The following SHISA6 variants were observed in gnomAD, a reference collection of about 807,000 sequenced individuals.
The protein encoded by SHISA6 is shisa family member 6.
In SHISA6, 22 loss-of-function variants were observed where a neutral mutation model predicts 47.9. That is an observed-to-expected ratio of 0.46 (90% CI 0.33 to 0.66). The LOEUF (loss-of-function observed/expected upper bound fraction) is 0.66. SHISA6 is among the 30% of genes least tolerant of loss of function. The pLI is 0.02. For missense variants in SHISA6, 680 were observed against 764.6 expected, an observed-to-expected ratio of 0.89 and a Z score of 1.30; for synonymous variants, 388 against 337.8, an observed-to-expected ratio of 1.15 and a Z score of -1.63.
At chr17:11,392,934 A>AG (rs1368059851) in intron 3 of SHISA6, among the ~76,000 whole-genome samples, 1 of 152,186 alleles carries the variant, frequency 6.6e-6, no homozygotes, top group Non-Finnish European at 1.5e-5. Flanking sequence ...ATCAGGTGGG[A>AG]GGTGGGGTAC....
chr17:11,505,700 T>C (rs1366113882), intron 3 of SHISA6, among the ~76,000 whole-genome samples: 3 of 152,224 alleles, frequency 2.0e-5, no homozygotes, highest in African/African-American at 7.2e-5. Flanking sequence ...CTCACTTTTA[T>C]AAAATTAAGT....
intron 3 of SHISA6, 140 bp downstream of exon 3, chr17:11,379,649 C>T (rs1223664434): frequency 1.8e-6 from 1 of 568,990 alleles, no homozygotes; most frequent in Non-Finnish European, 3.0e-6. Context: ...GTCCTGGTGA[C>T]ATGCGTGGCT....
At chr17:11,511,451 T>G (rs2071540904) in intron 3 of SHISA6, among the ~76,000 whole-genome samples, 1 of 151,912 alleles carries the variant, frequency 6.6e-6, no homozygotes. Context: ...TTAAAGTAAA[T>G]TTTTAAAAAA....
At chr17:11,298,045 G>C (rs1909809141) in intron 2 of SHISA6, among the ~76,000 whole-genome samples, 1 of 152,164 alleles carries the variant, frequency 6.6e-6, no homozygotes, top group Admixed American at 6.5e-5. Flanking sequence ...TTCTAGTTAT[G>C]GTGTGCTTAT....
In SHISA6 at chr17:11,360,108, A is replaced by C. The variant is rs181019354; in HGVS notation, c.800-19306A>C. ...TAGACTGGATCAAGAAAATGTTAGC[A>C]CATATACACCATGGAATACTATGCA... On this transcript the variant is annotated intron_variant, in intron 2 of 5. Coordinates refer to ENST00000441885, the MANE Select transcript of SHISA6 (RefSeq NM_207386.4). Among the ~76,000 whole-genome samples the C allele has an allele frequency of 3.2e-4, 48 of 152,338 alleles. 1 individual carries two copies. The highest frequency in any genetic ancestry group is 1.1e-3 in the African/African-American group (44 of 41,582).
rs112380460 is a variant in SHISA6, at chr17:11,263,469, G to A, written c.742G>A (p.Val248Ile). 7,184 of 1,551,736 alleles carry A rather than the reference G, an allele frequency of 4.6e-3. 21 individuals carry two copies. Among genetic ancestry groups the A allele is most frequent in the Non-Finnish European group, 5.1e-3 (5,903 of 1,147,006 alleles). The change falls in exon 2 of 6, where the codon GTC (valine) becomes ATC (isoleucine). Residue 248 changes from valine to isoleucine, a missense_variant. Around this residue, in one of 2 missense-constraint regions of SHISA6, gnomAD observed 559 missense variants for 674.1 expected, o/e 0.83. Coordinates refer to ENST00000441885, the MANE Select transcript of SHISA6 (RefSeq NM_207386.4). ...IDTSPKENTPVRSSSKNHYTP... is the reference protein window; with the variant it reads ...IDTSPKENTPIRSSSKNHYTP... The stretch of plus-strand genomic sequence containing the variant: ...TACCTCTCCCAAAGAGAACACGCCG[G>A]TCAGATCGTCCTCCAAAAACCACTA...
chr17:11,411,065 T>C (rs1026184296), intron 3 of SHISA6, among the ~76,000 whole-genome samples: 2 of 151,918 alleles, frequency 1.3e-5, no homozygotes, highest in East Asian at 3.9e-4. Flanking sequence ...GCCTCCCAGG[T>C]TCATGCCATT....
intron 3 of SHISA6, among the ~76,000 whole-genome samples, chr17:11,530,429 G>C (rs1286224133): frequency 1.3e-5 from 2 of 152,076 alleles, no homozygotes; most frequent in Non-Finnish European, 2.9e-5. Flanking sequence ...GCTTTTTTGT[G>C]TGGAAAAAAA....
chr17:11,533,974 T>TTTTA (rs1555543051), intron 3 of SHISA6, among the ~76,000 whole-genome samples: 1 of 150,612 alleles, frequency 6.6e-6, no homozygotes. Flanking sequence ...TCTAACTTTT[T>TTTTA]TTTGTTTGTT....
chr17:11,514,749 GC>G (rs2071568895), intron 3 of SHISA6, among the ~76,000 whole-genome samples: 1 of 152,200 alleles, frequency 6.6e-6, no homozygotes, highest in Non-Finnish European at 1.5e-5. Flanking sequence ...GGTGCTCTAG[GC>G]TCCCTTCCTT....
chr17:11,308,636 G>T (rs1335789599), intron 2 of SHISA6, among the ~76,000 whole-genome samples: 1 of 152,138 alleles, frequency 6.6e-6, no homozygotes, highest in Admixed American at 6.5e-5. Context: ...AATCAAGTTT[G>T]TCCAGCATGA....
intron 2 of SHISA6, among the ~76,000 whole-genome samples, chr17:11,283,162 C>A (rs952450001): frequency 4.7e-4 from 72 of 152,308 alleles, no homozygotes; most frequent in Middle Eastern, 6.8e-3. Flanking sequence ...TTAACTGATA[C>A]TTACTGCTCT....
At chr17:11,423,796 T>C (rs969736491) in intron 3 of SHISA6, among the ~76,000 whole-genome samples, 6 of 151,302 alleles carry the variant, frequency 4.0e-5, no homozygotes, top group Non-Finnish European at 8.8e-5. Context: ...TCAATAAAAA[T>C]GTAAAGAAAG....
intron 3 of SHISA6, among the ~76,000 whole-genome samples, chr17:11,412,653 T>C (rs904479083): frequency 6.6e-6 from 1 of 152,050 alleles, no homozygotes; most frequent in Non-Finnish European, 1.5e-5. Flanking sequence ...GCCATTCTCC[T>C]GCCTCAGCCT....
At chr17:11,318,085 C>G (rs1450403390) in intron 2 of SHISA6, among the ~76,000 whole-genome samples, 1 of 151,600 alleles carries the variant, frequency 6.6e-6, no homozygotes, top group Non-Finnish European at 1.5e-5. Context: ...TTCTGAAAGA[C>G]AAAAAGACAA....
chr17:11,343,958 G>C (rs958201972), intron 2 of SHISA6, among the ~76,000 whole-genome samples: 1 of 152,128 alleles, frequency 6.6e-6, no homozygotes, highest in Non-Finnish European at 1.5e-5. Flanking sequence ...CAAAGTGCTG[G>C]GATTACAAGC....
intron 4 of SHISA6, among the ~76,000 whole-genome samples, chr17:11,552,585 G>A (rs538352707): frequency 1.3e-5 from 2 of 152,284 alleles, no homozygotes; most frequent in Admixed American, 6.5e-5. Flanking sequence ...CATAAATTGC[G>A]AATTATCAGT....
At chr17:11,552,653 G>A (rs1375592908) in intron 4 of SHISA6, among the ~76,000 whole-genome samples, 2 of 152,184 alleles carry the variant, frequency 1.3e-5, no homozygotes, top group Admixed American at 1.3e-4. Flanking sequence ...TAGTGAGAGA[G>A]AAACTCAAAA....
intron 3 of SHISA6, among the ~76,000 whole-genome samples, chr17:11,530,001 C>T (rs1043354705): frequency 5.3e-5 from 8 of 151,948 alleles, no homozygotes; most frequent in African/African-American, 1.9e-4. Flanking sequence ...TGGCAGTGAC[C>T]TCCCCCAAAA....
Sources: gnomAD v4.1 joint callset for allele counts (sites outside exome capture counted in the v4.1 genomes callset) on GRCh38, gnomAD v4.1.1 for gene constraint, gnomAD v4.1.1 regional missense constraint, MANE v1.5 for transcripts, NCBI Gene and HGNC (gene_info 2026-07-23, HGNC 2026-07-21) for gene names.